Variants in STAB1 observed in about 807,000 individuals in gnomAD.
STAB1 encodes stabilin-1.
Under a neutral mutation model 332.4 loss-of-function variants are expected in STAB1, and 250 were observed. That is an observed-to-expected ratio of 0.75 (90% CI 0.68 to 0.84). The LOEUF (loss-of-function observed/expected upper bound fraction) is 0.84. Among genes scored for constraint, STAB1 ranks in the 40% least tolerant of loss-of-function variants. STAB1 has a pLI of 0.00. For missense variants in STAB1, 3,249 were observed against 3,489.7 expected (o/e 0.93, Z 1.74); for synonymous variants, 1,475 against 1,390.4 (o/e 1.06, Z -1.35).
intron 8 of STAB1, 64 bp from the exon 9 acceptor site, chr3:52,503,708 G>A (rs1708623260): frequency 6.2e-7 from 1 of 1,604,644 alleles, no homozygotes; most frequent in African/African-American, 1.3e-5. Flanking sequence ...TCTATGGGTA[G>A]GGCAGACACC....
In STAB1 at chr3:52,507,654, T is replaced by TC. The variant is rs751820186; in HGVS notation, c.2037dup (p.Asn680GlnfsTer17). The TC allele has an allele frequency of 2.2e-4, 362 of 1,613,422 alleles. 1 individual carries two copies. The highest frequency in any genetic ancestry group is 2.9e-4 in the Non-Finnish European group (339 of 1,179,994). On this transcript the variant is annotated frameshift_variant, in exon 19 of 69. Coordinates refer to ENST00000321725, the MANE Select transcript of STAB1 (RefSeq NM_015136.3). LOFTEE classifies it high-confidence loss of function. ...GCCAAGCCCTGAACACCAGCACGTG[T>TC]CCCCCCAACAGTGTGAAGCTGGTGA... is the stretch of plus-strand genomic sequence containing the variant.
chr3:52,503,052 G>A lies in STAB1; in HGVS notation c.637G>A (p.Glu213Lys). Residue 213 changes from glutamate to lysine, a missense_variant, in exon 7 of 69, where the codon GAG (glutamate) becomes AAG (lysine). Transcript: ENST00000321725. The part of the protein sequence containing the change: ...RCPQNTQCSA[E>K]APSCRCLPGY... ...TCCCCAGAACACCCAGTGCTCCGCA[G>A]AGGCTCCCAGCTGCAGGTGCCTGCC... 1 of 1,604,176 alleles carries A rather than the reference G, an allele frequency of 6.2e-7. No homozygotes were observed. The highest frequency in any genetic ancestry group is 2.2e-5 in the East Asian group (1 of 44,570).
At chr3:52,500,164 C>T (rs1343762230) in intron 1 of STAB1, among the ~76,000 whole-genome samples, 2 of 152,218 alleles carry the variant, frequency 1.3e-5, no homozygotes, top group Non-Finnish European at 2.9e-5. Flanking sequence ...CTGCCAGCCC[C>T]TCTCCAGCCT....
rs769239516 is a variant in STAB1 at position 52,509,340 on chromosome 3, G to C, written c.2347+19G>C. 7.5e-6 allele frequency: 12 copies of C among 1,609,522 alleles called. No homozygotes were observed. The highest frequency in any genetic ancestry group is 1.0e-5 in the Non-Finnish European group (12 of 1,177,454). ...CAGGAAGGTGGGTGGTCCTGGCTCA[G>C]GCCACCTCCTAGGGAGAAAAAACGT... On this transcript the variant is annotated intron_variant, in intron 22 of 68. Coordinates refer to ENST00000321725, the MANE Select transcript of STAB1 (RefSeq NM_015136.3).
chr3:52,502,171 G>T lies in STAB1; in HGVS notation c.430G>T (p.Gly144Cys). The T allele has an allele frequency of 1.2e-6, 2 of 1,613,428 alleles. No individual in the cohort carries two copies. Among genetic ancestry groups the T allele is most frequent in the Non-Finnish European group, 1.7e-6 (2 of 1,180,010 alleles). The change falls in exon 5 of 69, where the codon GGC becomes TGC. Residue 144 changes from glycine to cysteine, a missense_variant. Transcript: ENST00000321725. Reference protein sequence around the residue: ...GTCVCQENFRGSACQECQDPN... With the variant: ...GTCVCQENFRCSACQECQDPN... ...CATCCACCACCAGGAAAACTTCCGC[G>T]GCTCAGCCTGCCAGGAGTGCCAAGA...
intron 33 of STAB1, 65 bp downstream of exon 33, chr3:52,514,278 C>A (rs1709509365): frequency 3.1e-6 from 5 of 1,598,878 alleles, no homozygotes; most frequent in South Asian, 1.1e-5. Context: ...CCTCCAATCC[C>A]ACCACGAAGG....
At position 52,517,592 on chromosome 3, in the gene STAB1, C is replaced by T. The variant is rs150473525; in HGVS notation, c.4606C>T (p.Arg1536Trp). 402 of 1,612,888 alleles carry T rather than the reference C, an allele frequency of 2.5e-4. 3 individuals carry two copies. The highest frequency in any genetic ancestry group is 2.1e-3 in the South Asian group (193 of 91,066). ...CREGYSGDGIRTCELLDPCSK... is the reference protein window; with the variant it reads ...CREGYSGDGIWTCELLDPCSK... ...TGAGGGTTACAGCGGGGATGGCATC[C>T]GGACCTGCGAGCTCCTGGACCCCTG... Residue 1536 changes from arginine to tryptophan, a missense_variant, in exon 44 of 69, where the codon CGG becomes TGG. Arg to Trp is a moderately radical substitution (Grantham distance 101). Coordinates refer to ENST00000321725, the MANE Select transcript of STAB1 (RefSeq NM_015136.3).
chr3:52,522,030 C>CAGA lies in STAB1; in HGVS notation c.6272-7_6272-6insAGA. ...ACTAGGTCCAACCACTCCCTCCCTG[C>CAGA]CCTCAGTGGCAGACCTGTGCCAGGA... On this transcript the variant is annotated splice_polypyrimidine_tract_variant and splice_region_variant and intron_variant, in intron 58 of 68. Transcript: ENST00000321725. 1 of 1,612,984 alleles carries CAGA rather than the reference C, an allele frequency of 6.2e-7. No homozygotes were observed. The highest frequency in any genetic ancestry group is 8.5e-7 in the Non-Finnish European group (1 of 1,179,662).
rs2078932787 is a variant in STAB1 at position 52,518,012 on chromosome 3, G to GCCCAAGTCAGA, written c.4761+13_4761+23dup. The stretch of plus-strand genomic sequence containing the variant: ...GTGCCCGAGTCGGCCTGGTAATGAT[G>GCCCAAGTCAGA]CCCAAGTCAGACCCCTGATCTGGTC... On this transcript the variant is annotated intron_variant, in intron 45 of 68. Coordinates refer to ENST00000321725, the MANE Select transcript of STAB1 (RefSeq NM_015136.3). The GCCCAAGTCAGA allele has an allele frequency of 1.9e-6, 3 of 1,599,358 alleles. No homozygotes were observed. In the African/African-American group the frequency reaches 4.0e-5, roughly 22 times the overall value.
At position 52,506,842 on chromosome 3, in the gene STAB1, A is replaced by G; in HGVS notation, c.1981A>G (p.Ile661Val). ...PKHCSEEQHKIVAGSCVDCQA... is the reference protein window; with the variant it reads ...PKHCSEEQHKVVAGSCVDCQA... ...GCACTGCAGCGAGGAGCAGCACAAG[A>G]TTGTGGCGGTGAGCCTCGCCTGCAC... The change falls in exon 18 of 69, where the codon ATT (isoleucine) becomes GTT (valine). Residue 661 changes from isoleucine to valine, a missense_variant. Physicochemically the swap from Ile to Val is conservative, Grantham distance 29. Coordinates refer to ENST00000321725, the MANE Select transcript of STAB1 (RefSeq NM_015136.3). 1 of 1,612,804 alleles carries G rather than the reference A, an allele frequency of 6.2e-7. No individual in the cohort carries two copies. The highest frequency in any genetic ancestry group is 8.5e-7 in the Non-Finnish European group (1 of 1,179,846).
intron 42 of STAB1, 79 bp from the exon 43 acceptor site, chr3:52,517,241 G>C (rs2078900459): frequency 1.3e-6 from 2 of 1,493,604 alleles, no homozygotes; most frequent in Non-Finnish European, 1.8e-6. Context: ...AGGAGGGGGT[G>C]GGACAGATGA....
In STAB1 at chr3:52,523,857, CTGTT is replaced by C. The variant is rs754687566; in HGVS notation, c.7396-6_7396-3del. On this transcript the variant is annotated splice_polypyrimidine_tract_variant and intron_variant, in intron 66 of 68. Coordinates refer to ENST00000321725, the MANE Select transcript of STAB1 (RefSeq NM_015136.3). ...AGCTCCCGCCAGGTCAACACTCTCC[CTGTT>C]TGTTTGTAGCAGGCAGTGCTGGCGC... 84 of 1,593,486 alleles carry C rather than the reference CTGTT, an allele frequency of 5.3e-5. No homozygotes were observed. The highest frequency in any genetic ancestry group is 2.0e-4 in the Admixed American group (12 of 59,498).
At chr3:52,496,819 A>G (rs1239835418) in intron 1 of STAB1, among the ~76,000 whole-genome samples, 2 of 152,130 alleles carry the variant, frequency 1.3e-5, no homozygotes, top group Non-Finnish European at 2.9e-5. Context: ...CTCCTTGTGG[A>G]TGGGGCTGCA....
intron 8 of STAB1, 33 bp from the exon 9 acceptor site, chr3:52,503,739 G>A (rs747584653): frequency 2.1e-5 from 34 of 1,611,758 alleles, no homozygotes; most frequent in South Asian, 1.6e-4. Flanking sequence ...GGGGTTGGAC[G>A]TGGTGTTCCC....
At chr3:52,508,790 C>T (rs1459339574) in intron 21 of STAB1, among the ~76,000 whole-genome samples, 1 of 151,724 alleles carries the variant, frequency 6.6e-6, no homozygotes, top group Non-Finnish European at 1.5e-5. Context: ...CCACTGCACT[C>T]CAGCCTGGGC....
chr3:52,498,928 G>C (rs939921278), intron 1 of STAB1, among the ~76,000 whole-genome samples: 7 of 152,256 alleles, frequency 4.6e-5, no homozygotes, highest in African/African-American at 1.7e-4. Context: ...CAACTTCCCT[G>C]TTTGCAGACC....
In STAB1 at chr3:52,501,231, G is replaced by A. The variant is rs371394247; in HGVS notation, c.144G>A (p.Ala48=). Reference sequence around the variant, plus strand: ...CTCATGTACCCTGCACCTCGTGCGCGGCCATCAAGAAGCAGACGTGTCCCT... The same window carrying A: ...CTCATGTACCCTGCACCTCGTGCGCAGCCATCAAGAAGCAGACGTGTCCCT... ...FVTHVPCTSC[A]AIKKQTCPSG... The change falls in exon 2 of 69, where the codon GCG becomes GCA. Residue 48 remains alanine, a synonymous_variant. Transcript: ENST00000321725. 34 of 1,613,690 alleles carry A rather than the reference G, an allele frequency of 2.1e-5. No homozygotes were observed. Among genetic ancestry groups the A allele is most frequent in the Non-Finnish European group, 2.5e-5 (30 of 1,180,036 alleles).
At position 52,509,942 on chromosome 3, in the gene STAB1, C is replaced by T. The variant is rs1308630706; in HGVS notation, c.2420C>T (p.Ala807Val). The T allele has an allele frequency of 6.2e-7, 1 of 1,612,894 alleles. No homozygotes were observed. Among genetic ancestry groups the T allele is most frequent in the South Asian group, 1.1e-5 (1 of 91,030 alleles). The change falls in exon 23 of 69, where the codon GCC becomes GTC. Residue 807 changes from alanine (A) to valine (V), a missense_variant. By Grantham distance (64) the Ala-to-Val change is moderately conservative (BLOSUM62 0). Coordinates refer to ENST00000321725, the MANE Select transcript of STAB1 (RefSeq NM_015136.3). ...SGGVCQQGTC[A>V]PGFSGRFCNE... ...GGGGTGTGCCAGCAGGGCACGTGTG[C>T]CCCTGGCTTCAGTGGCCGGTTCTGC...
At position 52,507,895 on chromosome 3, in the gene STAB1, C is replaced by A. The variant is rs191348180; in HGVS notation, c.2053-36C>A. On this transcript the variant is annotated intron_variant, in intron 19 of 68. Transcript: ENST00000321725. ...CTAGCAAAGGGGCTGGCCCAGAACC[C>A]ACACCCACTGACTGGCTTTGCATGG... 3.8e-4 allele frequency: 611 copies of A among 1,597,512 alleles called. 2 individuals carry two copies. The highest frequency in any genetic ancestry group is 3.2e-3 in the African/African-American group (239 of 74,712).
Sources: gnomAD v4.1 joint callset for allele counts (sites outside exome capture counted in the v4.1 genomes callset) on GRCh38, gnomAD v4.1.1 for gene constraint, MANE v1.5 for transcripts, NCBI Gene and HGNC (gene_info 2026-07-23, HGNC 2026-07-21) for gene names.